The following TCF7L1 variants were observed in gnomAD, a reference collection of about 807,000 sequenced individuals.
TCF7L1 encodes transcription factor 7 like 1, also known as transcription factor 7-like 1.
A neutral mutation model predicts 63.7 loss-of-function variants in TCF7L1; 18 were observed. The observed-to-expected ratio is 0.28, with a 90% confidence interval of 0.20 to 0.42. The LOEUF (loss-of-function observed/expected upper bound fraction) is 0.42, where lower values mean the gene tolerates loss of function less well. TCF7L1 is among the 10% of genes least tolerant of loss of function. The probability of loss-of-function intolerance (pLI) is 1.00; values close to 1 mark genes in which losing one functional copy is unlikely to be tolerated. For missense variants in TCF7L1, 654 were observed against 779.3 expected (o/e 0.84, Z 1.91); for synonymous variants, 355 against 340.9 (o/e 1.04, Z -0.46).
chr2:85,197,551 C>T lies in TCF7L1; in HGVS notation c.441+63101C>T, dbSNP rs377049123. 7.6e-4 allele frequency among the ~76,000 whole-genome samples: 115 copies of T among 152,288 alleles called. 1 individual carries two copies. Among genetic ancestry groups the T allele is most frequent in the Non-Finnish European group, 1.2e-3 (81 of 68,032 alleles). On this transcript the variant is annotated intron_variant, in intron 3 of 11. Coordinates refer to ENST00000282111, the MANE Select transcript of TCF7L1 (RefSeq NM_031283.3). ...ATCAAAAGGCAGTCTACTAAAAGTC[C>T]ATTAATTAGCATTTGCTACCACTTA...
intron 4 of TCF7L1, among the ~76,000 whole-genome samples, chr2:85,295,237 T>C (rs904752827): frequency 2.0e-5 from 3 of 152,134 alleles, no homozygotes; most frequent in African/African-American, 7.2e-5. Context: ...GTATTGCTCT[T>C]GTCACCCAGG....
intron 4 of TCF7L1, among the ~76,000 whole-genome samples, chr2:85,289,448 T>A (rs887665877): frequency 6.6e-6 from 1 of 152,106 alleles, no homozygotes. Flanking sequence ...AATGGTCAGA[T>A]ATTCAGGGGT....
intron 3 of TCF7L1, among the ~76,000 whole-genome samples, chr2:85,235,281 G>A (rs996617681): frequency 2.0e-5 from 3 of 151,914 alleles, no homozygotes; most frequent in African/African-American, 4.8e-5. Context: ...CAAATAACAC[G>A]CTCATATTAA....
intron 5 of TCF7L1, among the ~76,000 whole-genome samples, chr2:85,303,144 C>T (rs1415194513): frequency 6.6e-6 from 1 of 152,178 alleles, no homozygotes; most frequent in Non-Finnish European, 1.5e-5. Context: ...AGTCCTCCTC[C>T]CTCAGCCTCC....
chr2:85,297,725 C>T (rs1283351439), intron 4 of TCF7L1, among the ~76,000 whole-genome samples: 1 of 151,948 alleles, frequency 6.6e-6, no homozygotes, highest in Non-Finnish European at 1.5e-5. Context: ...GCAGAAGCTG[C>T]AGTGAGCTGA....
chr2:85,207,209 C>T (rs1300379684), intron 3 of TCF7L1, among the ~76,000 whole-genome samples: 1 of 152,212 alleles, frequency 6.6e-6, no homozygotes, highest in Non-Finnish European at 1.5e-5. Context: ...ACTTGCATGT[C>T]ACTGATGAAT....
chr2:85,170,303 T>G (rs1350105774), intron 3 of TCF7L1, among the ~76,000 whole-genome samples: 1 of 152,184 alleles, frequency 6.6e-6, no homozygotes. Flanking sequence ...TTCAACAAAG[T>G]GAGCAATCTC....
At chr2:85,232,554 A>G (rs914034624) in intron 3 of TCF7L1, among the ~76,000 whole-genome samples, 13 of 152,136 alleles carry the variant, frequency 8.5e-5, no homozygotes, top group Non-Finnish European at 1.5e-5. Context: ...ACCCCTTTGC[A>G]TGATGATCTT....
intron 3 of TCF7L1, among the ~76,000 whole-genome samples, chr2:85,179,211 A>G (rs1678745176): frequency 6.6e-6 from 1 of 152,224 alleles, no homozygotes; most frequent in Non-Finnish European, 1.5e-5. Context: ...GACCTAGGGA[A>G]TGAAATTGGG....
chr2:85,255,640 G>A (rs1680699026), intron 3 of TCF7L1, among the ~76,000 whole-genome samples: 1 of 152,214 alleles, frequency 6.6e-6, no homozygotes, highest in Non-Finnish European at 1.5e-5. Flanking sequence ...GCCTAAGGCT[G>A]CCCTCTGCCT....
At chr2:85,150,467 C>T (rs527515319) in intron 3 of TCF7L1, among the ~76,000 whole-genome samples, 3 of 152,100 alleles carry the variant, frequency 2.0e-5, no homozygotes, top group South Asian at 2.1e-4. Flanking sequence ...CTCCTGACCT[C>T]GTGATCCACC....
intron 3 of TCF7L1, among the ~76,000 whole-genome samples, chr2:85,242,015 C>T (rs1467092555): frequency 4.8e-5 from 3 of 63,042 alleles, no homozygotes; most frequent in Admixed American, 1.8e-4. Context: ...CGGAGGGGGG[C>T]GGTGGTGCGG....
At chr2:85,169,144 G>A (rs75450748) in intron 3 of TCF7L1, among the ~76,000 whole-genome samples, 5,198 of 152,178 alleles carry the variant, frequency 0.034, 99 homozygotes, top group Middle Eastern at 0.071. Context: ...AAACTTCCCT[G>A]TGTAACTCTC....
chr2:85,148,607 G>A lies in TCF7L1; in HGVS notation c.441+14157G>A, dbSNP rs920078888. ...TGTGTTTTAAAATCAGGAGTTGTTC[G>A]AGGCTGAAATGAAATATCAGCATCA... On this transcript the variant is annotated intron_variant, in intron 3 of 11. Coordinates refer to ENST00000282111, the MANE Select transcript of TCF7L1 (RefSeq NM_031283.3). 6.6e-5 allele frequency among the ~76,000 whole-genome samples: 10 copies of A among 152,156 alleles called. No individual in the cohort carries two copies. In the East Asian group the frequency reaches 1.9e-3, roughly 29 times the overall value.
intron 3 of TCF7L1, among the ~76,000 whole-genome samples, chr2:85,156,247 C>T (rs1361086384): frequency 6.6e-6 from 1 of 152,222 alleles, no homozygotes; most frequent in African/African-American, 2.4e-5. Context: ...ATTCACCAAG[C>T]TCTGCTGAAC....
intron 3 of TCF7L1, among the ~76,000 whole-genome samples, chr2:85,213,408 GAAGT>G (rs1380525925): frequency 1.3e-5 from 2 of 152,098 alleles, no homozygotes; most frequent in Non-Finnish European, 2.9e-5. Flanking sequence ...CTCACACTTA[GAAGT>G]AATACCCAAA....
intron 3 of TCF7L1, among the ~76,000 whole-genome samples, chr2:85,261,123 G>GGTGTGTGTGTGTGTGTGTGTGTGT (rs3223762): frequency 9.4e-6 from 1 of 106,698 alleles, no homozygotes; most frequent in African/African-American, 3.2e-5. Context: ...AATTATTGCT[G>GGTGTGTGTGTGTGTGTGTGTGTGT]GTGTGTGTGT....
chr2:85,198,829 C>T lies in TCF7L1; in HGVS notation c.441+64379C>T, dbSNP rs139947652. The stretch of plus-strand genomic sequence containing the variant: ...TAAGCTGTGTTTGTGACACTACACT[C>T]TAGCCTGGGTGACAGAATGAGACCC... On this transcript the variant is annotated intron_variant, in intron 3 of 11. Transcript: ENST00000282111. 2.0e-3 allele frequency among the ~76,000 whole-genome samples: 303 copies of T among 152,186 alleles called. 1 individual carries two copies. The highest frequency in any genetic ancestry group is 6.9e-3 in the African/African-American group (287 of 41,542).
At chr2:85,244,628 T>G (rs1258172362) in intron 3 of TCF7L1, among the ~76,000 whole-genome samples, 1 of 152,096 alleles carries the variant, frequency 6.6e-6, no homozygotes, top group Non-Finnish European at 1.5e-5. Flanking sequence ...GAGCTCTGTT[T>G]GGGACATGTT....
Sources: gnomAD v4.1 joint callset for allele counts (sites outside exome capture counted in the v4.1 genomes callset) on GRCh38, gnomAD v4.1.1 for gene constraint, MANE v1.5 for transcripts, NCBI Gene and HGNC (gene_info 2026-07-23, HGNC 2026-07-21) for gene names.